The following HPSE2 variants were observed in gnomAD, a reference collection of about 807,000 sequenced individuals.
The protein encoded by HPSE2 is inactive heparanase-2.
Under a neutral mutation model 60.5 loss-of-function variants are expected in HPSE2, and 38 were observed. The ratio of observed to expected loss-of-function variants is 0.63; its 90% CI spans 0.48 to 0.82. HPSE2 has a LOEUF of 0.82. HPSE2 is among the 40% of genes least tolerant of loss of function. The pLI is 0.00. For synonymous variants in HPSE2, 295 were observed against 293.2 expected (o/e 1.01, Z -0.06); for missense variants, 713 against 740.4 (o/e 0.96, Z 0.43).
At chr10:98,578,406 G>A (rs1589446666) in intron 9 of HPSE2, among the ~76,000 whole-genome samples, 2 of 152,056 alleles carry the variant, frequency 1.3e-5, no homozygotes, top group African/African-American at 2.4e-5. Flanking sequence ...AGTCTAAATC[G>A]AATGCTTCAA....
At chr10:98,624,579 C>A (rs1946157050) in intron 7 of HPSE2, among the ~76,000 whole-genome samples, 1 of 152,140 alleles carries the variant, frequency 6.6e-6, no homozygotes, top group Non-Finnish European at 1.5e-5. Context: ...AAGATCCCTG[C>A]AGCTGCTATG....
intron 2 of HPSE2, among the ~76,000 whole-genome samples, chr10:99,218,262 T>TA (rs1483057352): frequency 6.6e-6 from 1 of 150,654 alleles, no homozygotes; most frequent in Non-Finnish European, 1.5e-5. Context: ...CTTGAAGCTT[T>TA]CTGAAGGAAA....
chr10:98,585,081 C>T (rs78834156), intron 9 of HPSE2, among the ~76,000 whole-genome samples: 8,618 of 152,156 alleles, frequency 0.057, 298 homozygotes, highest in Middle Eastern at 0.13. Context: ...CTCAATCCCC[C>T]CAAAATCCTC....
Position 98,733,661 on chromosome 10 carries a change from AAATAG to A in HPSE2, c.784+10217_784+10221del, listed in dbSNP as rs569695812. 1.7e-4 allele frequency among the ~76,000 whole-genome samples: 26 copies of A among 152,284 alleles called. No homozygotes were observed. In the South Asian group the frequency reaches 5.4e-3, roughly 32 times the overall value. ...CACTTTATTTAGTATTTTGAGGTCC[AAATAG>A]AAGAGTCTATTTGGAAGTGCTACAT... On this transcript the variant is annotated intron_variant, in intron 4 of 11. Transcript: ENST00000370552.
intron 9 of HPSE2, among the ~76,000 whole-genome samples, chr10:98,531,390 T>C (rs2133801328): frequency 6.6e-6 from 1 of 152,286 alleles, no homozygotes; most frequent in Admixed American, 6.5e-5. Context: ...TTTCAAAGCC[T>C]TTACTTAGTG....
At chr10:99,310,727 A>G in the HPSE2 span, among the ~76,000 whole-genome samples, 5 of 152,228 alleles carry the variant, frequency 3.3e-5, no homozygotes, top group African/African-American at 9.6e-5. Context: ...CTGGGGTTCA[A>G]GCAATTCTCC....
Position 99,059,104 on chromosome 10 carries a change from T to C in HPSE2, c.610+85134A>G, listed in dbSNP as rs185362160. On this transcript the variant is annotated intron_variant, in intron 3 of 11. Transcript: ENST00000370552. ...TCCTTCCTTTGATTTTTTTCAATCA[T>C]TTAAAAATGTTAAAACCATTCTCAG... Among the ~76,000 whole-genome samples the C allele has an allele frequency of 3.3e-5, 5 of 152,306 alleles. No individual in the cohort carries two copies. In the East Asian group the frequency reaches 9.6e-4, roughly 29 times the overall value.
chr10:98,588,312 C>T (rs1201274542), intron 9 of HPSE2, among the ~76,000 whole-genome samples: 1 of 152,028 alleles, frequency 6.6e-6, no homozygotes, highest in Admixed American at 6.6e-5. Flanking sequence ...AGAAAAGAGG[C>T]CCAGTGTTTA....
chr10:98,503,436 C>A (rs1302626093), intron 9 of HPSE2, among the ~76,000 whole-genome samples: 1 of 152,050 alleles, frequency 6.6e-6, no homozygotes, highest in Non-Finnish European at 1.5e-5. Flanking sequence ...CTAGTACAGC[C>A]ACTATGGAAA....
intron 3 of HPSE2, among the ~76,000 whole-genome samples, chr10:99,121,114 A>G (rs1345498424): frequency 1.3e-5 from 2 of 152,266 alleles, no homozygotes; most frequent in Non-Finnish European, 2.9e-5. Context: ...CTATGCAGTC[A>G]TAAAAAGTAA....
At chr10:99,019,952 T>C (rs1395999224) in intron 3 of HPSE2, among the ~76,000 whole-genome samples, 1 of 152,094 alleles carries the variant, frequency 6.6e-6, no homozygotes, top group African/African-American at 2.4e-5. Context: ...CCTCAAGTCA[T>C]CTGCCCACCT....
intron 7 of HPSE2, among the ~76,000 whole-genome samples, chr10:98,629,780 G>T (rs1027773795): frequency 6.6e-6 from 1 of 152,164 alleles, no homozygotes; most frequent in African/African-American, 2.4e-5. Flanking sequence ...GATCAGCTGG[G>T]AGATGTGCTA....
intron 3 of HPSE2, among the ~76,000 whole-genome samples, chr10:98,892,106 T>C (rs1953352308): frequency 6.6e-6 from 1 of 152,146 alleles, no homozygotes; most frequent in Non-Finnish European, 1.5e-5. Context: ...GGGGACATTA[T>C]GTATACTTTG....
At chr10:99,226,910 T>C (rs1324090330) in intron 2 of HPSE2, among the ~76,000 whole-genome samples, 4 of 152,116 alleles carry the variant, frequency 2.6e-5, no homozygotes, top group South Asian at 4.1e-4. Flanking sequence ...TGGGATAGCA[T>C]CTTTTATTTA....
chr10:99,168,246 A>G (rs1257419442), intron 2 of HPSE2, among the ~76,000 whole-genome samples: 2 of 152,148 alleles, frequency 1.3e-5, no homozygotes, highest in East Asian at 3.8e-4. Flanking sequence ...ATGTTTTTCA[A>G]TAAAATTTTA....
chr10:98,504,909 T>A (rs889580795), intron 9 of HPSE2, among the ~76,000 whole-genome samples: 19 of 152,198 alleles, frequency 1.2e-4, no homozygotes, highest in African/African-American at 4.3e-4. Context: ...TATCTACTCA[T>A]AAGCAATATA....
At chr10:98,989,934 G>C (rs542631679) in intron 3 of HPSE2, among the ~76,000 whole-genome samples, 2 of 152,250 alleles carry the variant, frequency 1.3e-5, no homozygotes, top group African/African-American at 2.4e-5. Context: ...AAGCTCCCTA[G>C]TGATGTTTGT....
intron 5 of HPSE2, among the ~76,000 whole-genome samples, chr10:98,717,810 AC>A (rs1277797581): frequency 6.6e-6 from 1 of 152,150 alleles, no homozygotes; most frequent in Non-Finnish European, 1.5e-5. Context: ...GAAGTGAGGT[AC>A]TACAAACCTT....
At chr10:99,047,672 C>T in intron 3 of HPSE2, 1 of 780,980 alleles carries the variant, frequency 1.3e-6, no homozygotes, top group Admixed American at 1.8e-5. Flanking sequence ...GAAGACGGTT[C>T]CTGCTGTGCC....
Sources: gnomAD v4.1 joint callset for allele counts (sites outside exome capture counted in the v4.1 genomes callset) on GRCh38, gnomAD v4.1.1 for gene constraint, MANE v1.5 for transcripts, NCBI Gene and HGNC (gene_info 2026-07-23, HGNC 2026-07-21) for gene names.